PITPNM3: variants seen among roughly 807,000 people sequenced by gnomAD.
PITPNM3 encodes membrane-associated phosphatidylinositol transfer protein 3.
In PITPNM3, 26 loss-of-function variants were observed where a neutral mutation model predicts 102.0. The observed-to-expected ratio is 0.25, with a 90% confidence interval of 0.19 to 0.35. The LOEUF (loss-of-function observed/expected upper bound fraction) is 0.35, where lower values mean the gene tolerates loss of function less well. Among genes scored for constraint, PITPNM3 ranks in the 10% least tolerant of loss-of-function variants. The pLI, the probability that PITPNM3 is intolerant of heterozygous loss-of-function variation, is 1.00. For synonymous variants in PITPNM3, 578 were observed against 558.6 expected, an observed-to-expected ratio of 1.03 and a Z score of -0.49; for missense variants, 1,083 against 1,346.1, an observed-to-expected ratio of 0.80 and a Z score of 3.06.
intron 2 of PITPNM3, among the ~76,000 whole-genome samples, chr17:6,528,682 A>T (rs1908977354): frequency 6.6e-6 from 1 of 151,542 alleles, no homozygotes; most frequent in Non-Finnish European, 1.5e-5. Flanking sequence ...CCCTCCGCCC[A>T]TCCCTGTCTC....
At chr17:6,499,833 C>A (rs988872530) in intron 4 of PITPNM3, among the ~76,000 whole-genome samples, 1 of 152,226 alleles carries the variant, frequency 6.6e-6, no homozygotes. Flanking sequence ...TGGGTTCAAG[C>A]GATTTTCCTG....
At position 6,556,360 on chromosome 17, in the gene PITPNM3, C is replaced by T; in HGVS notation, c.22+25G>A. ...CGAGTCCCTCCCCCGGGCCCCGGCC[C>T]TGCCCTCCCCGCGCCCGCCCTCACC... On this transcript the variant is annotated intron_variant, in intron 1 of 19. Coordinates refer to ENST00000262483, the MANE Select transcript of PITPNM3 (RefSeq NM_031220.4). This position sits in a 1 kb window ranked among gnomAD's most constrained non-coding sequence, Gnocchi z 5.2. The T allele has an allele frequency of 1.4e-6, 2 of 1,402,796 alleles. No individual in the cohort carries two copies. The highest frequency in any genetic ancestry group is 9.3e-7 in the Non-Finnish European group (1 of 1,076,084). The allele number at this position is 1,402,796 out of a possible 1,614,324, so 86.9% of individuals were successfully genotyped here. A position where few individuals can be genotyped will look rare whatever the true frequency, so the allele number is the denominator to read the frequency against.
At chr17:6,486,409 C>T (rs1906097800) in intron 4 of PITPNM3, among the ~76,000 whole-genome samples, 2 of 152,164 alleles carry the variant, frequency 1.3e-5, no homozygotes, top group Non-Finnish European at 1.5e-5. Context: ...CCCTAGGCAC[C>T]CTGTCAACAT....
At chr17:6,542,197 C>A (rs1374736540) in intron 1 of PITPNM3, among the ~76,000 whole-genome samples, 3 of 152,224 alleles carry the variant, frequency 2.0e-5, no homozygotes, top group Admixed American at 6.5e-5. Flanking sequence ...TGTCCCAGTT[C>A]TAGAACCATC....
chr17:6,545,711 A>G (rs1440983817), intron 1 of PITPNM3, among the ~76,000 whole-genome samples: 2 of 151,420 alleles, frequency 1.3e-5, no homozygotes, highest in African/African-American at 2.4e-5. Flanking sequence ...TTGAAGCATC[A>G]GCTGGAAGTC....
intron 1 of PITPNM3, among the ~76,000 whole-genome samples, chr17:6,554,973 AC>A (rs1307389496): frequency 3.9e-5 from 6 of 152,208 alleles, no homozygotes; most frequent in African/African-American, 1.4e-4. Context: ...CCCAGTGCAC[AC>A]ACACACTCAC....
intron 3 of PITPNM3, among the ~76,000 whole-genome samples, chr17:6,515,918 C>T (rs142842210): frequency 2.2e-4 from 34 of 152,252 alleles, no homozygotes; most frequent in Non-Finnish European, 3.4e-4. Context: ...CAGTGACATA[C>T]GCATGTAATC....
chr17:6,539,790 C>T (rs1433968092), intron 1 of PITPNM3, among the ~76,000 whole-genome samples: 1 of 152,218 alleles, frequency 6.6e-6, no homozygotes, highest in Admixed American at 6.5e-5. Context: ...GATTAATATA[C>T]AGACATCCCT....
intron 4 of PITPNM3, among the ~76,000 whole-genome samples, chr17:6,489,335 C>A (rs188968889): frequency 6.6e-6 from 1 of 152,176 alleles, no homozygotes; most frequent in South Asian, 2.1e-4. Context: ...TCCCACCCCC[C>A]GTTAGTCACC....
intron 2 of PITPNM3, among the ~76,000 whole-genome samples, chr17:6,525,978 G>A (rs1354286998): frequency 6.6e-6 from 1 of 152,224 alleles, no homozygotes; most frequent in African/African-American, 2.4e-5. Flanking sequence ...CACATGAGAA[G>A]TAACTCACCA....
chr17:6,471,032 C>T, intron 12 of PITPNM3, 129 bp downstream of exon 12: 1 of 1,102,672 alleles, frequency 9.1e-7, no homozygotes, highest in Admixed American at 2.1e-5. Flanking sequence ...AGCAAGCCCC[C>T]AGGACTTCCT....
At chr17:6,487,090 C>A (rs193075285) in intron 4 of PITPNM3, among the ~76,000 whole-genome samples, 1 of 152,052 alleles carries the variant, frequency 6.6e-6, no homozygotes, top group African/African-American at 2.4e-5. Flanking sequence ...GCTGTGTGTG[C>A]GGCTCTGGGG....
chr17:6,455,414 G>C lies in PITPNM3; in HGVS notation c.2849C>G (p.Ser950Trp). Residue 950 changes from serine (S) to tryptophan (W), a missense_variant, in exon 20 of 20, where the codon TCG (serine) becomes TGG (tryptophan). Around this residue, in one of 5 missense-constraint regions of PITPNM3, gnomAD observed 208 missense variants for 178.2 expected, o/e 1.17. Transcript: ENST00000262483. ...KPERAQSQPE[S>W]DKDHERPLPA... ...CAGCGGCCGCTCGTGGTCTTTGTCC[G>C]ACTCGGGCTGGCTCTGGGCCCGCTC... 1.2e-6 allele frequency: 2 copies of C among 1,601,862 alleles called. No homozygotes were observed. The highest frequency in any genetic ancestry group is 1.7e-6 in the Non-Finnish European group (2 of 1,177,074).
At chr17:6,473,917 C>T (rs941684539) in intron 10 of PITPNM3, among the ~76,000 whole-genome samples, 2 of 142,854 alleles carry the variant, frequency 1.4e-5, no homozygotes, top group African/African-American at 2.7e-5. Context: ...GCAGAGGTTG[C>T]AGTGAGCTGA....
chr17:6,489,831 CCA>C (rs766588149), intron 4 of PITPNM3, among the ~76,000 whole-genome samples: 2 of 152,106 alleles, frequency 1.3e-5, no homozygotes, highest in East Asian at 3.9e-4. Flanking sequence ...TGGTGAAACC[CCA>C]TCTCTACTAA....
At chr17:6,489,175 C>T (rs2150588780) in intron 4 of PITPNM3, among the ~76,000 whole-genome samples, 1 of 152,330 alleles carries the variant, frequency 6.6e-6, no homozygotes, top group African/African-American at 2.4e-5. Context: ...ACACTCAGCA[C>T]CCCAAGCAAA....
At chr17:6,536,280 C>T (rs1257540812) in intron 2 of PITPNM3, among the ~76,000 whole-genome samples, 1 of 152,094 alleles carries the variant, frequency 6.6e-6, no homozygotes, top group East Asian at 1.9e-4. Flanking sequence ...GTGAGCAGGG[C>T]CCGAAGGGAT....
At position 6,457,431 on chromosome 17, in the gene PITPNM3, G is replaced by A. The variant is rs1397746908; in HGVS notation, c.2619+163C>T. On this transcript the variant is annotated intron_variant, in intron 19 of 19. Coordinates refer to ENST00000262483, the MANE Select transcript of PITPNM3 (RefSeq NM_031220.4). This position sits in a 1 kb window ranked among gnomAD's most constrained non-coding sequence, Gnocchi z 4.7. Reference sequence around the variant, plus strand: ...GGATTCTCCCCCTGCACCCAACACAGGCCCTGGCCCAAGGCAGGCACCCCG... The same window carrying A: ...GGATTCTCCCCCTGCACCCAACACAAGCCCTGGCCCAAGGCAGGCACCCCG... 1.3e-5 allele frequency among the ~76,000 whole-genome samples: 2 copies of A among 152,222 alleles called. No homozygotes were observed. Among genetic ancestry groups the A allele is most frequent in the Non-Finnish European group, 2.9e-5 (2 of 68,040 alleles).
chr17:6,544,658 A>T (rs371986048), intron 1 of PITPNM3, among the ~76,000 whole-genome samples: 6 of 86,956 alleles, frequency 6.9e-5, no homozygotes, highest in Non-Finnish European at 9.9e-5. Flanking sequence ...TCTCTCTCAC[A>T]CACACACACA....
Sources: allele counts gnomAD v4.1 joint callset (sites outside exome capture counted in the v4.1 genomes callset), GRCh38; gene constraint gnomAD v4.1.1; regional missense constraint gnomAD v4.1.1; non-coding constraint Gnocchi (gnomAD v3.1); transcripts MANE v1.5; gene names NCBI Gene and HGNC (gene_info 2026-07-23, HGNC 2026-07-21).